PDE7B: variants seen among roughly 807,000 people sequenced by gnomAD.
PDE7B encodes the protein 3',5'-cyclic-AMP phosphodiesterase 7B.
A neutral mutation model predicts 56.2 loss-of-function variants in PDE7B; 29 were observed. That is an observed-to-expected ratio of 0.52 (90% CI 0.38 to 0.70). The LOEUF (loss-of-function observed/expected upper bound fraction) is 0.70. Among genes scored for constraint, PDE7B ranks in the 30% least tolerant of loss-of-function variants. The probability of loss-of-function intolerance (pLI) is 0.00; values close to 1 mark genes in which losing one functional copy is unlikely to be tolerated. For synonymous variants in PDE7B, 197 were observed against 196.9 expected, an observed-to-expected ratio of 1.00 and a Z score of 0.00; for missense variants, 490 against 565.0, an observed-to-expected ratio of 0.87 and a Z score of 1.35.
chr6:136,151,966 G>T (rs957080432), intron 6 of PDE7B, among the ~76,000 whole-genome samples: 17 of 151,870 alleles, frequency 1.1e-4, no homozygotes, highest in Non-Finnish European at 2.5e-4. Context: ...ATAAATAAAT[G>T]ACAGGGAAGA....
chr6:136,019,491 A>G (rs1156909459), intron 2 of PDE7B, among the ~76,000 whole-genome samples: 1 of 152,208 alleles, frequency 6.6e-6, no homozygotes, highest in East Asian at 1.9e-4. Context: ...AACAGGCACT[A>G]CCAAATATGC....
In PDE7B at chr6:136,194,525, G is replaced by T. The variant is rs1779282450; in HGVS notation, c.*2685G>T. On this transcript the variant is annotated 3_prime_UTR_variant, in exon 13 of 13. Coordinates refer to ENST00000308191, the MANE Select transcript of PDE7B (RefSeq NM_018945.4). ...CCTCATTTGTTGGTAAAAAGAAAAAGAATGTGAAAATGTCTCTTTTTTTCT... is the reference window on the plus strand; with the variant it reads ...CCTCATTTGTTGGTAAAAAGAAAAATAATGTGAAAATGTCTCTTTTTTTCT... 1 of 151,934 alleles carries T rather than the reference G, an allele frequency of 6.6e-6. No individual in the cohort carries two copies. Among genetic ancestry groups the T allele is most frequent in the African/African-American group, 2.4e-5 (1 of 41,410 alleles). 9.4% of individuals were successfully genotyped at this position (151,934 alleles called of 1,614,324 possible).
At chr6:136,000,580 GCTTT>G (rs1257903732) in intron 2 of PDE7B, among the ~76,000 whole-genome samples, 1 of 152,128 alleles carries the variant, frequency 6.6e-6, no homozygotes, top group Non-Finnish European at 1.5e-5. Flanking sequence ...TTATTTCTGG[GCTTT>G]CTATTTTGTT....
chr6:135,978,160 C>G (rs6902234), intron 2 of PDE7B, among the ~76,000 whole-genome samples: 4,643 of 152,230 alleles, frequency 0.03, 210 homozygotes, highest in African/African-American at 0.099. Flanking sequence ...AGGCTATGTG[C>G]TCTAGCCTAT....
At chr6:136,001,637 A>G (rs1441877797) in intron 2 of PDE7B, among the ~76,000 whole-genome samples, 4 of 152,146 alleles carry the variant, frequency 2.6e-5, no homozygotes, top group African/African-American at 7.2e-5. Context: ...AAGCGAGAAG[A>G]GAAGTTTAGA....
At position 135,987,842 on chromosome 6, in the gene PDE7B, T is replaced by C. The variant is rs539914353; in HGVS notation, c.82+40318T>C. On this transcript the variant is annotated intron_variant, in intron 2 of 12. Coordinates refer to ENST00000308191, the MANE Select transcript of PDE7B (RefSeq NM_018945.4). ...AATAATAAAGACACACACACACACA[T>C]ACACACACACACATATATAATCACC... Among the ~76,000 whole-genome samples, 365 of 140,774 alleles carry C rather than the reference T, an allele frequency of 2.6e-3. 2 individuals carry two copies. Among genetic ancestry groups the C allele is most frequent in the African/African-American group, 5.8e-3 (184 of 31,630 alleles). 92.4% of individuals were successfully genotyped at this position (140,774 alleles called of 152,430 possible). A position where few individuals can be genotyped will look rare whatever the true frequency, so the allele number is the denominator to read the frequency against.
intron 2 of PDE7B, among the ~76,000 whole-genome samples, chr6:136,063,050 A>C (rs1304668458): frequency 6.6e-6 from 1 of 152,238 alleles, no homozygotes; most frequent in African/African-American, 2.4e-5. Flanking sequence ...AATAGTGATG[A>C]GAACCTTTAA....
At chr6:136,025,497 T>C (rs1056953531) in intron 2 of PDE7B, among the ~76,000 whole-genome samples, 7 of 152,202 alleles carry the variant, frequency 4.6e-5, no homozygotes, top group Admixed American at 4.6e-4. Context: ...AAACGAGGAA[T>C]GCAAAAAGTA....
At chr6:136,132,326 C>T (rs1301830947) in intron 3 of PDE7B, among the ~76,000 whole-genome samples, 1 of 151,962 alleles carries the variant, frequency 6.6e-6, no homozygotes, top group Non-Finnish European at 1.5e-5. Context: ...CATTTTGGAT[C>T]CCTATACCCC....
chr6:135,909,464 G>A (rs1461282516), intron 1 of PDE7B, among the ~76,000 whole-genome samples: 1 of 152,042 alleles, frequency 6.6e-6, no homozygotes, highest in African/African-American at 2.4e-5. Flanking sequence ...AAATTAGCTG[G>A]GAGTGGTGGT....
At chr6:136,082,553 T>C (rs1312897169) in intron 2 of PDE7B, among the ~76,000 whole-genome samples, 2 of 152,146 alleles carry the variant, frequency 1.3e-5, no homozygotes, top group South Asian at 4.1e-4. Flanking sequence ...AAAAGATAAA[T>C]GGGTAAGAAC....
At chr6:136,004,217 C>G (rs553299338) in intron 2 of PDE7B, among the ~76,000 whole-genome samples, 2,024 of 152,246 alleles carry the variant, frequency 0.013, 55 homozygotes, top group African/African-American at 0.045. Flanking sequence ...ATAGTAAGAG[C>G]TATCTATGAC....
intron 1 of PDE7B, among the ~76,000 whole-genome samples, chr6:135,936,707 C>T (rs992484056): frequency 6.6e-6 from 1 of 152,154 alleles, no homozygotes; most frequent in Non-Finnish European, 1.5e-5. Flanking sequence ...GGGAGATGTC[C>T]CTAAAAGGGT....
At chr6:135,858,058 G>T (rs961583360) in intron 1 of PDE7B, among the ~76,000 whole-genome samples, 2 of 152,136 alleles carry the variant, frequency 1.3e-5, no homozygotes, top group African/African-American at 4.8e-5. Flanking sequence ...TTTATTTATT[G>T]TGTGATATTT....
At chr6:135,854,007 C>G (rs1185831675) in intron 1 of PDE7B, among the ~76,000 whole-genome samples, 3 of 152,082 alleles carry the variant, frequency 2.0e-5, no homozygotes, top group Non-Finnish European at 4.4e-5. Flanking sequence ...GAAATATTAT[C>G]TAAAAATCAA....
chr6:136,023,084 G>A lies in PDE7B; in HGVS notation c.82+75560G>A, dbSNP rs143432418. On this transcript the variant is annotated intron_variant, in intron 2 of 12. Coordinates refer to ENST00000308191, the MANE Select transcript of PDE7B (RefSeq NM_018945.4). ...TCCCAATTATCTATTTGTTAGTGCA[G>A]TTCCACACTGGCTGAGTCTCCATCA... is the stretch of plus-strand genomic sequence containing the variant. 6.1e-3 allele frequency among the ~76,000 whole-genome samples: 921 copies of A among 152,186 alleles called. 12 individuals are homozygous for A. The highest frequency in any genetic ancestry group is 0.02 in the African/African-American group (833 of 41,530).
At chr6:135,867,799 A>C (rs1242107064) in intron 1 of PDE7B, among the ~76,000 whole-genome samples, 1 of 152,234 alleles carries the variant, frequency 6.6e-6, no homozygotes, top group East Asian at 1.9e-4. Context: ...TAACTTTGGC[A>C]TATTTTTAAG....
chr6:135,968,400 C>A (rs1775035843), intron 2 of PDE7B, among the ~76,000 whole-genome samples: 1 of 152,098 alleles, frequency 6.6e-6, no homozygotes, highest in Non-Finnish European at 1.5e-5. Context: ...TTTTTGCAAT[C>A]TATCCATCTG....
chr6:135,921,523 T>G (rs781164026), intron 1 of PDE7B, among the ~76,000 whole-genome samples: 4 of 152,164 alleles, frequency 2.6e-5, no homozygotes, highest in African/African-American at 9.7e-5. Flanking sequence ...TGTTCCCCTA[T>G]ATTAAAATTT....
Sources: gnomAD v4.1 joint callset for allele counts (sites outside exome capture counted in the v4.1 genomes callset) on GRCh38, gnomAD v4.1.1 for gene constraint, MANE v1.5 for transcripts, NCBI Gene and HGNC (gene_info 2026-07-23, HGNC 2026-07-21) for gene names.